The following ANGPT1 variants were observed in gnomAD, a reference collection of about 807,000 sequenced individuals.
The protein encoded by ANGPT1 is angiopoietin-1.
A neutral mutation model predicts 62.2 loss-of-function variants in ANGPT1; 17 were observed. That is an observed-to-expected ratio of 0.27 (90% confidence interval 0.19 to 0.41). The LOEUF (loss-of-function observed/expected upper bound fraction) is 0.41. ANGPT1 is among the 10% of genes least tolerant of loss of function. ANGPT1 has a pLI of 1.00. For synonymous variants in ANGPT1, 199 were observed against 198.9 expected (o/e 1.00, Z 0.00); for missense variants, 478 against 594.9 (o/e 0.80, Z 2.04).
intron 6 of ANGPT1, among the ~76,000 whole-genome samples, chr8:107,291,578 A>G (rs1814276607): frequency 6.6e-6 from 1 of 151,734 alleles, no homozygotes; most frequent in Non-Finnish European, 1.5e-5. Flanking sequence ...CACCCGGCTA[A>G]TTTTTTGTTG....
At chr8:107,275,348 C>T (rs1053650970) in intron 7 of ANGPT1, among the ~76,000 whole-genome samples, 1 of 152,090 alleles carries the variant, frequency 6.6e-6, no homozygotes, top group Non-Finnish European at 1.5e-5. Context: ...CAGTTAACCA[C>T]TTGTAGTTTC....
At chr8:107,490,928 T>C (rs1055608209) in intron 1 of ANGPT1, among the ~76,000 whole-genome samples, 1 of 152,222 alleles carries the variant, frequency 6.6e-6, no homozygotes, top group Non-Finnish European at 1.5e-5. Context: ...TGACCCTTGA[T>C]AGAGAGGATG....
At chr8:107,454,872 A>G (rs1811875511) in intron 1 of ANGPT1, among the ~76,000 whole-genome samples, 1 of 152,086 alleles carries the variant, frequency 6.6e-6, no homozygotes, top group Non-Finnish European at 1.5e-5. Flanking sequence ...AAGGCAAAGA[A>G]CAAACAATGG....
At position 107,257,112 on chromosome 8, in the gene ANGPT1, G is replaced by A. The variant is rs551218096; in HGVS notation, c.1337-5097C>T. ...TGACCTCAGGTGATCGAATCACCTC[G>A]GCCTCCCAAAGTGCTGAGATTACAG... On this transcript the variant is annotated intron_variant, in intron 8 of 8. Coordinates refer to ENST00000517746, the MANE Select transcript of ANGPT1 (RefSeq NM_001146.5). 1.9e-3 allele frequency among the ~76,000 whole-genome samples: 291 copies of A among 152,136 alleles called. 1 individual carries two copies. Among genetic ancestry groups the A allele is most frequent in the Admixed American group, 7.6e-3 (116 of 15,268 alleles).
At chr8:107,317,921 G>T (rs773593019) in intron 4 of ANGPT1, among the ~76,000 whole-genome samples, 1 of 152,074 alleles carries the variant, frequency 6.6e-6, no homozygotes, top group Non-Finnish European at 1.5e-5. Flanking sequence ...ATGAGCCACC[G>T]CGCCTGGCCA....
At chr8:107,402,567 G>C (rs1244479831) in intron 1 of ANGPT1, among the ~76,000 whole-genome samples, 1 of 152,246 alleles carries the variant, frequency 6.6e-6, no homozygotes, top group Non-Finnish European at 1.5e-5. Context: ...CTGTTAACTT[G>C]TTTAAGCCTC....
chr8:107,476,391 C>A (rs1812529712), intron 1 of ANGPT1, among the ~76,000 whole-genome samples: 1 of 151,990 alleles, frequency 6.6e-6, no homozygotes, highest in African/African-American at 2.4e-5. Context: ...ACAATGAGAA[C>A]ACTTGGGCAC....
chr8:107,384,156 G>C (rs1220810315), intron 1 of ANGPT1, among the ~76,000 whole-genome samples: 1 of 152,046 alleles, frequency 6.6e-6, no homozygotes, highest in Non-Finnish European at 1.5e-5. Flanking sequence ...TGCAAGTCTT[G>C]AATGATTCGT....
intron 1 of ANGPT1, among the ~76,000 whole-genome samples, chr8:107,425,723 G>A (rs1418709128): frequency 6.6e-6 from 1 of 152,178 alleles, no homozygotes; most frequent in Non-Finnish European, 1.5e-5. Flanking sequence ...TGAAGCAGAG[G>A]CTGAAGACAG....
intron 5 of ANGPT1, among the ~76,000 whole-genome samples, chr8:107,297,584 T>G (rs1814446919): frequency 6.7e-6 from 1 of 149,062 alleles, no homozygotes; most frequent in African/African-American, 2.4e-5. Flanking sequence ...TTATATAACA[T>G]TGCATACAAA....
intron 3 of ANGPT1, among the ~76,000 whole-genome samples, chr8:107,323,349 T>C (rs1815201518): frequency 6.6e-6 from 1 of 152,204 alleles, no homozygotes; most frequent in Non-Finnish European, 1.5e-5. Context: ...GTTATTAAAA[T>C]GCCACATACC....
chr8:107,356,928 C>T (rs1184851681), intron 1 of ANGPT1, among the ~76,000 whole-genome samples: 1 of 152,048 alleles, frequency 6.6e-6, no homozygotes, highest in African/African-American at 2.4e-5. Flanking sequence ...TAAGATTTAC[C>T]CATTTAATAA....
At chr8:107,406,220 T>C (rs1451593955) in intron 1 of ANGPT1, among the ~76,000 whole-genome samples, 1 of 151,926 alleles carries the variant, frequency 6.6e-6, no homozygotes, top group East Asian at 1.9e-4. Flanking sequence ...TGTCTTTTTA[T>C]ATTCAGTTGC....
chr8:107,481,647 G>A (rs1484752545), intron 1 of ANGPT1, among the ~76,000 whole-genome samples: 2 of 150,174 alleles, frequency 1.3e-5, no homozygotes, highest in Non-Finnish European at 3.0e-5. Context: ...AATTTATAAA[G>A]AAAAGAGGTT....
At chr8:107,376,167 T>C (rs1672181) in intron 1 of ANGPT1, among the ~76,000 whole-genome samples, 112,473 of 152,172 alleles carry the variant, frequency 0.74, 42,542 homozygotes, top group East Asian at 0.87. Context: ...ATAATGTCCC[T>C]CTTGTTCCAT....
intron 6 of ANGPT1, among the ~76,000 whole-genome samples, chr8:107,285,737 G>A (rs1814125233): frequency 6.6e-6 from 1 of 152,036 alleles, no homozygotes; most frequent in South Asian, 2.1e-4. Flanking sequence ...CTAGAAACTT[G>A]CTGGCATTCT....
At chr8:107,384,720 AT>A (rs1816701493) in intron 1 of ANGPT1, among the ~76,000 whole-genome samples, 1 of 152,082 alleles carries the variant, frequency 6.6e-6, no homozygotes, top group Non-Finnish European at 1.5e-5. Context: ...CCAGAGTGGT[AT>A]TTCTTAGATT....
At chr8:107,363,337 T>C (rs1337254419) in intron 1 of ANGPT1, among the ~76,000 whole-genome samples, 1 of 152,220 alleles carries the variant, frequency 6.6e-6, no homozygotes, top group Non-Finnish European at 1.5e-5. Flanking sequence ...TTTGAGAATC[T>C]ATTAGAAGTG....
intron 4 of ANGPT1, among the ~76,000 whole-genome samples, chr8:107,306,293 C>T (rs2129991525): frequency 6.6e-6 from 1 of 152,132 alleles, no homozygotes; most frequent in East Asian, 1.9e-4. Flanking sequence ...TTAGCCTCTC[C>T]TGGTCAAATT....
Sources: gnomAD v4.1 joint callset for allele counts (sites outside exome capture counted in the v4.1 genomes callset) on GRCh38, gnomAD v4.1.1 for gene constraint, MANE v1.5 for transcripts, NCBI Gene and HGNC (gene_info 2026-07-23, HGNC 2026-07-21) for gene names.